SUGCT: variants seen among roughly 807,000 people sequenced by gnomAD.
SUGCT encodes the protein succinyl-CoA:glutarate-CoA transferase.
SUGCT carries 41 observed loss-of-function variants against 55.0 expected under a neutral mutation model. The observed-to-expected ratio is 0.74, with a 90% CI of 0.58 to 0.97. The LOEUF (loss-of-function observed/expected upper bound fraction) is 0.97, where lower values mean the gene tolerates loss of function less well. Ranked by LOEUF, SUGCT falls within the 50% of genes least tolerant of loss-of-function variation. SUGCT has a pLI of 0.00. For synonymous variants in SUGCT, 187 were observed against 200.4 expected, an observed-to-expected ratio of 0.93 and a Z score of 0.56; for missense variants, 568 against 547.8, an observed-to-expected ratio of 1.04 and a Z score of -0.37.
chr7:40,510,719 C>T (rs925201032), intron 12 of SUGCT, among the ~76,000 whole-genome samples: 4 of 151,718 alleles, frequency 2.6e-5, no homozygotes, highest in Middle Eastern at 3.4e-3. Flanking sequence ...TTATACTTTT[C>T]GGAATAAAAT....
At chr7:40,389,182 G>A (rs890972844) in intron 9 of SUGCT, among the ~76,000 whole-genome samples, 1 of 152,186 alleles carries the variant, frequency 6.6e-6, no homozygotes, top group African/African-American at 2.4e-5. Flanking sequence ...GGATGGGATG[G>A]CTTATGACTG....
chr7:40,464,040 TTGTGAATTGAAAC>T (rs1789962185), intron 11 of SUGCT, among the ~76,000 whole-genome samples: 1 of 152,110 alleles, frequency 6.6e-6, no homozygotes, highest in Admixed American at 6.5e-5. Flanking sequence ...ATATTGCAAG[TTGTGAATTGAAAC>T]TAGGAAGAGA....
intron 11 of SUGCT, among the ~76,000 whole-genome samples, chr7:40,474,667 GTAGCC>G (rs1790565462): frequency 6.6e-6 from 1 of 152,144 alleles, no homozygotes; most frequent in African/African-American, 2.4e-5. Flanking sequence ...TGGGGCATCT[GTAGCC>G]TCTACAGCTC....
chr7:40,534,089 C>T (rs1268561059), intron 12 of SUGCT, among the ~76,000 whole-genome samples: 1 of 152,126 alleles, frequency 6.6e-6, no homozygotes, highest in Non-Finnish European at 1.5e-5. Context: ...AGGAAAATAA[C>T]TTTAAATTGG....
At chr7:40,929,472 A>G in the SUGCT span, among the ~76,000 whole-genome samples, 1 of 152,194 alleles carries the variant, frequency 6.6e-6, no homozygotes, top group South Asian at 2.1e-4. Flanking sequence ...TGGTATTTCT[A>G]GTTCTAGATC....
intron 13 of SUGCT, among the ~76,000 whole-genome samples, chr7:40,751,987 C>A (rs1345236173): frequency 6.6e-6 from 1 of 152,194 alleles, no homozygotes; most frequent in African/African-American, 2.4e-5. Context: ...AAGAATATTT[C>A]TTTTGCCCAC....
chr7:40,766,254 C>T (rs1225894113), intron 13 of SUGCT, among the ~76,000 whole-genome samples: 2 of 152,120 alleles, frequency 1.3e-5, no homozygotes, highest in Admixed American at 1.3e-4. Context: ...ACTGTTGTCC[C>T]AGCTGGAGTG....
At chr7:40,334,681 A>G (rs565670064) in intron 9 of SUGCT, among the ~76,000 whole-genome samples, 1 of 152,000 alleles carries the variant, frequency 6.6e-6, no homozygotes, top group Non-Finnish European at 1.5e-5. Flanking sequence ...GATTGCAAAA[A>G]TTTTCTCCCA....
chr7:40,737,163 C>T (rs1787204628), intron 12 of SUGCT, among the ~76,000 whole-genome samples: 1 of 152,174 alleles, frequency 6.6e-6, no homozygotes, highest in Non-Finnish European at 1.5e-5. Context: ...GTATATTGGA[C>T]ACAGCACAGA....
chr7:40,856,785 A>G (rs1469077677), intron 13 of SUGCT, among the ~76,000 whole-genome samples: 1 of 152,236 alleles, frequency 6.6e-6, no homozygotes, highest in Non-Finnish European at 1.5e-5. Flanking sequence ...CGAACACTTA[A>G]AAGTCTTGAT....
intron 12 of SUGCT, among the ~76,000 whole-genome samples, chr7:40,608,009 T>G (rs182061391): frequency 1.3e-5 from 2 of 152,332 alleles, no homozygotes; most frequent in East Asian, 3.9e-4. Flanking sequence ...CTTGAGGGTC[T>G]TCAACCTGTG....
intron 11 of SUGCT, among the ~76,000 whole-genome samples, chr7:40,482,226 C>A (rs1791092238): frequency 6.6e-6 from 1 of 151,896 alleles, no homozygotes; most frequent in African/African-American, 2.4e-5. Flanking sequence ...TATGATAGAC[C>A]CTTATAGTGA....
chr7:40,797,480 G>T (rs546771621), intron 13 of SUGCT, among the ~76,000 whole-genome samples: 1 of 152,132 alleles, frequency 6.6e-6, no homozygotes, highest in African/African-American at 2.4e-5. Flanking sequence ...AGTTGGAAAT[G>T]ACAGTCATCC....
At chr7:40,955,446 G>T in the SUGCT span, among the ~76,000 whole-genome samples, 2 of 152,076 alleles carry the variant, frequency 1.3e-5, no homozygotes, top group Non-Finnish European at 2.9e-5. Context: ...TCTGTTGTTG[G>T]TGTATAGGAA....
chr7:40,603,172 G>A (rs977433559), intron 12 of SUGCT, among the ~76,000 whole-genome samples: 5 of 152,096 alleles, frequency 3.3e-5, no homozygotes, highest in Admixed American at 2.6e-4. Flanking sequence ...TGAGAGTATA[G>A]AAAATATGTT....
intron 6 of SUGCT, among the ~76,000 whole-genome samples, chr7:40,205,597 T>A (rs1786922286): frequency 7.7e-6 from 1 of 130,426 alleles, no homozygotes; most frequent in Non-Finnish European, 1.5e-5. Flanking sequence ...GCTGAGATCA[T>A]GCCATTGCAC....
intron 6 of SUGCT, among the ~76,000 whole-genome samples, chr7:40,237,342 G>T (rs1789080772): frequency 6.6e-6 from 1 of 151,960 alleles, no homozygotes; most frequent in South Asian, 2.1e-4. Context: ...TACTCGGGAG[G>T]CTGAGGAAGG....
chr7:40,469,816 G>A (rs1454046565), intron 11 of SUGCT, among the ~76,000 whole-genome samples: 3 of 152,008 alleles, frequency 2.0e-5, no homozygotes, highest in Non-Finnish European at 4.4e-5. Context: ...GTTTGTATAC[G>A]GAGGGGATGA....
At chr7:40,334,164 G>T (rs1796531737) in intron 9 of SUGCT, among the ~76,000 whole-genome samples, 1 of 152,090 alleles carries the variant, frequency 6.6e-6, no homozygotes, top group African/African-American at 2.4e-5. Context: ...ATGGACCTTT[G>T]GGTTGGTTCC....
Sources: allele counts gnomAD v4.1 joint callset (sites outside exome capture counted in the v4.1 genomes callset), GRCh38; gene constraint gnomAD v4.1.1; transcripts MANE v1.5; gene names NCBI Gene and HGNC (gene_info 2026-07-23, HGNC 2026-07-21).